NUP210: variants seen among roughly 807,000 people sequenced by gnomAD.
NUP210 encodes nuclear pore membrane glycoprotein 210.
A neutral mutation model predicts 196.0 loss-of-function variants in NUP210; 151 were observed. That is an observed-to-expected ratio of 0.77 (90% CI 0.67 to 0.88). The LOEUF is 0.88. NUP210 is among the 40% of genes least tolerant of loss of function. The pLI is 0.00. For synonymous variants in NUP210, 1,070 were observed against 1,052.7 expected (o/e 1.02, Z -0.32); for missense variants, 2,314 against 2,493.7 (o/e 0.93, Z 1.53).
chr3:13,317,903 G>A, intron 39 of NUP210, 122 bp from the exon 40 acceptor site: 1 of 667,126 alleles, frequency 1.5e-6, no homozygotes, highest in South Asian at 1.9e-5. Flanking sequence ...GATGCCCCGA[G>A]GCCTCCCCGG....
At chr3:13,401,258 T>TTAAAAAAAAAAA (rs1162470689) in intron 1 of NUP210, among the ~76,000 whole-genome samples, 2 of 16,506 alleles carry the variant, frequency 1.2e-4, no homozygotes, top group Admixed American at 4.4e-4. Context: ...AGACTCTGGC[T>TTAAAAAAAAAAA]CAAAAAAAAA....
chr3:13,330,675 A>T, intron 29 of NUP210, 41 bp from the exon 30 acceptor site: 3 of 1,576,168 alleles, frequency 1.9e-6, no homozygotes, highest in Non-Finnish European at 2.6e-6. Flanking sequence ...AGATGGCAGC[A>T]GTGGGAGTGG....
chr3:13,335,795 G>C (rs559026222), intron 27 of NUP210, among the ~76,000 whole-genome samples, 183 bp from the exon 28 acceptor site: 1 of 152,326 alleles, frequency 6.6e-6, no homozygotes, highest in African/African-American at 2.4e-5. Context: ...GTGCAGACCC[G>C]GCTTCCCCAG....
intron 1 of NUP210, among the ~76,000 whole-genome samples, chr3:13,407,873 A>G (rs1265540553): frequency 6.6e-6 from 1 of 152,190 alleles, no homozygotes; most frequent in African/African-American, 2.4e-5. Context: ...CTAAGTACAG[A>G]CTACACATTA....
Position 13,350,293 on chromosome 3 carries a change from C to T in NUP210, c.2835+1586G>A, listed in dbSNP as rs1480473983. 6.6e-6 allele frequency among the ~76,000 whole-genome samples: 1 copy of T among 151,878 alleles called. No individual in the cohort carries two copies. The highest frequency in any genetic ancestry group is 1.5e-5 in the Non-Finnish European group (1 of 67,996). On this transcript the variant is annotated intron_variant, in intron 20 of 39. Coordinates refer to ENST00000254508, the MANE Select transcript of NUP210 (RefSeq NM_024923.4). The surrounding 1 kb of genome is among the most constrained non-coding windows in gnomAD (Gnocchi z 4.1). ...GTGTGCGCGTGTGTTTTTGTGTCTT[C>T]AGCAAAATAACAAGGCCAGTCACTA...
chr3:13,406,984 T>A (rs1469762397), intron 1 of NUP210, among the ~76,000 whole-genome samples: 2 of 152,112 alleles, frequency 1.3e-5, no homozygotes, highest in African/African-American at 4.8e-5. Flanking sequence ...TCTGTTGGTA[T>A]CTGTGGAATG....
intron 20 of NUP210, chr3:13,345,274 G>C: frequency 4.1e-6 from 4 of 969,714 alleles, no homozygotes; most frequent in Non-Finnish European, 4.9e-6. Context: ...TTTGGAAAGT[G>C]CTGATTCTGG....
In NUP210 at chr3:13,358,148, G is replaced by A. The variant is rs200770097; in HGVS notation, c.2328+74C>T. 178 of 1,398,664 alleles carry A rather than the reference G, an allele frequency of 1.3e-4. 1 individual carries two copies. The East Asian group carries it at 3.1e-3, about 24-fold the overall frequency. The allele number at this position is 1,398,664 out of a possible 1,614,324, so 86.6% of individuals were successfully genotyped here. On this transcript the variant is annotated intron_variant, in intron 16 of 39. Transcript: ENST00000254508. ...TGTCCGTTGCAATGCTCGGGACCAT[G>A]GGCGAGGCCACCAATGTCCTCCTGC...
At chr3:13,403,757 G>A (rs1183603241) in intron 1 of NUP210, among the ~76,000 whole-genome samples, 2 of 152,136 alleles carry the variant, frequency 1.3e-5, no homozygotes, top group Non-Finnish European at 2.9e-5. Context: ...GACAGAGCCT[G>A]GGGGAGAGAG....
At chr3:13,333,749 GAC>G (rs1697096595) in intron 28 of NUP210, among the ~76,000 whole-genome samples, 1 of 152,186 alleles carries the variant, frequency 6.6e-6, no homozygotes, top group South Asian at 2.1e-4. Context: ...GTCTGACTCG[GAC>G]ACACTTACTG....
At chr3:13,341,941 G>A (rs1204245560) in intron 22 of NUP210, 55 bp downstream of exon 22, 1 of 1,613,370 alleles carries the variant, frequency 6.2e-7, no homozygotes, top group East Asian at 2.2e-5. Context: ...AAAGGCTGCA[G>A]CTGGGGTCAG....
Position 13,319,864 on chromosome 3 carries a change from G to C in NUP210, c.5282C>G (p.Pro1761Arg). 1 of 1,614,238 alleles carries C rather than the reference G, an allele frequency of 6.2e-7. No individual in the cohort carries two copies. The highest frequency in any genetic ancestry group is 8.5e-7 in the Non-Finnish European group (1 of 1,180,038). The change falls in exon 37 of 40, where the codon CCT becomes CGT. Residue 1761 changes from proline (P) to arginine (R), a missense_variant. Pro to Arg is a moderately radical substitution (Grantham distance 103). Coordinates refer to ENST00000254508, the MANE Select transcript of NUP210 (RefSeq NM_024923.4). ...VLDPAAGSQG[P>R]LSTTLTFSSP... ...GGAGAAGGTCAGGGTAGTGGACAGA[G>C]GCCCTTGGCTGCCAGCCGCGGGGTC...
Position 13,322,903 on chromosome 3 carries a change from T to C in NUP210, c.4768+406A>G, listed in dbSNP as rs548769292. Among the ~76,000 whole-genome samples, 9 of 152,340 alleles carry C rather than the reference T, an allele frequency of 5.9e-5. No individual in the cohort carries two copies. In the East Asian group the frequency reaches 1.7e-3, roughly 29 times the overall value. Reference sequence around the variant, plus strand: ...TGGCAGCTGCTGTTCAGGGCTGTCATGGGCAGGGGATGGGGTTCAACATTC... The same window carrying C: ...TGGCAGCTGCTGTTCAGGGCTGTCACGGGCAGGGGATGGGGTTCAACATTC... On this transcript the variant is annotated intron_variant, in intron 34 of 39. Transcript: ENST00000254508.
At chr3:13,330,864 G>A (rs910571188) in intron 29 of NUP210, among the ~76,000 whole-genome samples, 1 of 152,190 alleles carries the variant, frequency 6.6e-6, no homozygotes, top group Non-Finnish European at 1.5e-5. Flanking sequence ...AAAGTGTGGC[G>A]TCTCACTCTT....
At chr3:13,400,574 C>G (rs528168510) in intron 1 of NUP210, among the ~76,000 whole-genome samples, 23 of 152,352 alleles carry the variant, frequency 1.5e-4, no homozygotes, top group African/African-American at 5.1e-4. Flanking sequence ...ATAACTGCCC[C>G]AGGCCCAGGT....
chr3:13,376,974 T>G (rs534920328), intron 9 of NUP210, among the ~76,000 whole-genome samples: 58 of 152,258 alleles, frequency 3.8e-4, no homozygotes, highest in Admixed American at 1.2e-3. Flanking sequence ...CATTTCCTCA[T>G]CTGTCTGACA....
In NUP210 at chr3:13,340,205, C is replaced by T. The variant is rs1487531867; in HGVS notation, c.3291+31G>A. 3 of 1,612,984 alleles carry T rather than the reference C, an allele frequency of 1.9e-6. No homozygotes were observed. Among genetic ancestry groups the T allele is most frequent in the Non-Finnish European group, 2.5e-6 (3 of 1,179,640 alleles). ...AACCAGGTGGTGGCCTGCACTGGGG[C>T]TGGAGCAGGACGTGGCCTCTTGGCT... On this transcript the variant is annotated intron_variant, in intron 24 of 39. Transcript: ENST00000254508. The surrounding 1 kb of genome is among the most constrained non-coding windows in gnomAD (Gnocchi z 4.0).
chr3:13,399,851 G>A lies in NUP210; in HGVS notation c.178C>T (p.Arg60Trp), dbSNP rs747126828. The change falls in exon 2 of 40, where the codon CGG (arginine) becomes TGG (tryptophan). Residue 60 changes from arginine to tryptophan, a missense_variant. Coordinates refer to ENST00000254508, the MANE Select transcript of NUP210 (RefSeq NM_024923.4). ...GGCTCGATGCTGGCCACCTCCGGCC[G>A]GGTGGACAACCTGCAGTGGAAGAAG... ...SEGCYRWLST[R>W]PEVASIEPLG... The A allele has an allele frequency of 4.4e-6, 7 of 1,607,528 alleles. No individual in the cohort carries two copies. The highest frequency in any genetic ancestry group is 4.2e-6 in the Non-Finnish European group (5 of 1,176,734).
intron 3 of NUP210, among the ~76,000 whole-genome samples, chr3:13,393,624 G>C (rs1699560301): frequency 6.6e-6 from 1 of 152,250 alleles, no homozygotes; most frequent in Non-Finnish European, 1.5e-5. Context: ...GCCAGACCCA[G>C]CTGCGTGGGC....
Sources: gnomAD v4.1 joint callset for allele counts (sites outside exome capture counted in the v4.1 genomes callset) on GRCh38, gnomAD v4.1.1 for gene constraint, Gnocchi (gnomAD v3.1) non-coding constraint, MANE v1.5 for transcripts, NCBI Gene and HGNC (gene_info 2026-07-23, HGNC 2026-07-21) for gene names.